The following KIRREL2 variants were observed in gnomAD, a reference collection of about 807,000 sequenced individuals.
KIRREL2 encodes the protein kirre like nephrin family adhesion molecule 2.
In KIRREL2, 56 loss-of-function variants were observed where a neutral mutation model predicts 73.4. The observed-to-expected ratio is 0.76, with a 90% CI of 0.62 to 0.95. The LOEUF (loss-of-function observed/expected upper bound fraction) is 0.95, where lower values mean the gene tolerates loss of function less well. Ranked by LOEUF, KIRREL2 falls within the 40% of genes least tolerant of loss-of-function variation. The pLI is 0.00. For missense variants in KIRREL2, 896 were observed against 935.0 expected (o/e 0.96, Z 0.54); for synonymous variants, 407 against 404.0 (o/e 1.01, Z -0.09).
upstream of KIRREL2, among the ~76,000 whole-genome samples, chr19:35,853,487 C>G (rs1038695850): frequency 5.9e-5 from 9 of 152,186 alleles, no homozygotes; most frequent in Non-Finnish European, 1.2e-4. Flanking sequence ...CTCTCTCCCT[C>G]CCTCTATCTA....
chr19:35,861,847 G>A lies in KIRREL2; in HGVS notation c.1333G>A (p.Gly445Ser), dbSNP rs1438419718. The A allele has an allele frequency of 6.3e-7, 1 of 1,587,942 alleles. No homozygotes were observed. The highest frequency in any genetic ancestry group is 1.8e-5 in the Admixed American group (1 of 54,742). ...DEGFLEAGSQ[G>S]RFLVETFPAP... ...GGGCTTCCTGGAGGCGGGGTCGCAG[G>A]GCCGGTTCCTGGTGGAGACATTCCC... Residue 445 changes from glycine to serine, a missense_variant, in exon 11 of 15, where the codon GGC becomes AGC. Coordinates refer to ENST00000360202, the MANE Select transcript of KIRREL2 (RefSeq NM_199180.4).
At position 35,861,037 on chromosome 19, in the gene KIRREL2, G is replaced by T. The variant is rs371315188; in HGVS notation, c.1056+1G>T. ...CTGGACCCGCCGCGGTGGCGCGCAGGTACAGCCCTAAATCTGAGGCGGTGG... is the reference window on the plus strand; with the variant it reads ...CTGGACCCGCCGCGGTGGCGCGCAGTTACAGCCCTAAATCTGAGGCGGTGG... On this transcript the variant is annotated splice_donor_variant, in intron 8 of 14. Coordinates refer to ENST00000360202, the MANE Select transcript of KIRREL2 (RefSeq NM_199180.4). LOFTEE classifies it high-confidence loss of function. The T allele has an allele frequency of 6.8e-6, 11 of 1,610,760 alleles. No individual in the cohort carries two copies. The highest frequency in any genetic ancestry group is 4.0e-5 in the African/African-American group (3 of 74,748).
Position 35,857,181 on chromosome 19 carries a change from GTACCGCACGA to G in KIRREL2, c.61+2_61+11del. 6.2e-7 allele frequency: 1 copy of G among 1,605,822 alleles called. No individual in the cohort carries two copies. The highest frequency in any genetic ancestry group is 8.5e-7 in the Non-Finnish European group (1 of 1,173,778). On this transcript the variant is annotated splice_donor_variant and splice_donor_5th_base_variant and intron_variant, in intron 1 of 14. Coordinates refer to ENST00000360202, the MANE Select transcript of KIRREL2 (RefSeq NM_199180.4). LOFTEE classifies it high-confidence loss of function. ...CTCTTCTGCTTCAGAGGGAGAGCAG[GTACCGCACGA>G]GGGGAGCGGAGGAATATGGGGTGGG...
intron 1 of KIRREL2, 22 bp downstream of exon 1, chr19:35,857,202 G>A: frequency 6.3e-7 from 1 of 1,575,156 alleles, no homozygotes; most frequent in Non-Finnish European, 8.7e-7. Context: ...GGGGAGCGGA[G>A]GAATATGGGG....
intron 2 of KIRREL2, 109 bp downstream of exon 2, chr19:35,857,603 G>C: frequency 8.5e-7 from 1 of 1,180,236 alleles, no homozygotes; most frequent in South Asian, 1.6e-5. Context: ...GAAATTGATG[G>C]GCTCGGGTAA....
At chr19:35,863,462 T>C (rs1599869710) in intron 13 of KIRREL2, among the ~76,000 whole-genome samples, 1 of 107,024 alleles carries the variant, frequency 9.3e-6, no homozygotes, top group South Asian at 2.5e-4. Context: ...GGCTCTAGTC[T>C]TTTTTTTTTT....
rs1973664435 is a variant in KIRREL2 at position 35,861,237 on chromosome 19, C to T, written c.1172C>T (p.Ala391Val). 1 of 1,532,854 alleles carries T rather than the reference C, an allele frequency of 6.5e-7. No individual in the cohort carries two copies. The highest frequency in any genetic ancestry group is 1.3e-5 in the South Asian group (1 of 79,314). 95.0% of individuals were successfully genotyped at this position (1,532,854 alleles called of 1,614,324 possible). A position where few individuals can be genotyped will look rare whatever the true frequency, so the allele number is the denominator to read the frequency against. ...GGCCTGCGGGGCGGCGCCGCGGAGG[C>T]TCGGCTGACTGTGAACGGTGAGAAG... Reference protein sequence around the residue: ...LSGLRGGAAEARLTVNAPPVV... With the variant: ...LSGLRGGAAEVRLTVNAPPVV... The change falls in exon 9 of 15, where the codon GCT becomes GTT. Residue 391 changes from alanine to valine, a missense_variant. Transcript: ENST00000360202.
In KIRREL2 at chr19:35,866,595, T is replaced by C; in HGVS notation, c.*103T>C. On this transcript the variant is annotated 3_prime_UTR_variant, in exon 15 of 15. Transcript: ENST00000360202. ...GTTGGCGACCTTACTCCTCCAAAACTGAACACAAGGGGAGGGAAAGATCAT... is the reference window on the plus strand; with the variant it reads ...GTTGGCGACCTTACTCCTCCAAAACCGAACACAAGGGGAGGGAAAGATCAT... 2 of 1,498,846 alleles carry C rather than the reference T, an allele frequency of 1.3e-6. No homozygotes were observed. The highest frequency in any genetic ancestry group is 2.3e-5 in the South Asian group (2 of 86,086). 92.8% of individuals were successfully genotyped at this position (1,498,846 alleles called of 1,614,324 possible). A position where few individuals can be genotyped will look rare whatever the true frequency, so the allele number is the denominator to read the frequency against.
In KIRREL2 at chr19:35,862,013, T is replaced by A; in HGVS notation, c.1499T>A (p.Leu500Gln). The A allele has an allele frequency of 1.9e-6, 3 of 1,608,444 alleles. No individual in the cohort carries two copies. The highest frequency in any genetic ancestry group is 2.5e-6 in the Non-Finnish European group (3 of 1,177,822). ...GGCGAGGGAGGTGCCCAGGCCAGCC[T>A]GGGCCGTAGAGGTGAGACCCCAGCC... Reference protein sequence around the residue: ...RLGEGGAQASLGRRDLLPTVR... With the variant: ...RLGEGGAQASQGRRDLLPTVR... The change falls in exon 11 of 15, where the codon CTG (leucine) becomes CAG (glutamine). Residue 500 changes from leucine (L) to glutamine (Q), a missense_variant. Transcript: ENST00000360202.
At position 35,861,942 on chromosome 19, in the gene KIRREL2, G is replaced by A. The variant is rs184854785; in HGVS notation, c.1428G>A (p.Glu476=). The A allele has an allele frequency of 2.5e-6, 4 of 1,613,180 alleles. No individual in the cohort carries two copies. In the Admixed American group the frequency reaches 6.7e-5, roughly 27 times the overall value. ...ISVLHISGTQ[E]SDFSRSFNCS... is the part of the protein sequence containing the mutation. ...TGCTACACATTTCGGGGACCCAGGA[G>A]TCTGACTTTAGCAGGAGCTTTAACT... Residue 476 remains glutamate (E), a synonymous_variant, in exon 11 of 15, where the codon GAG becomes GAA. Transcript: ENST00000360202.
chr19:35,866,973 T>G lies in KIRREL2; in HGVS notation c.*481T>G, dbSNP rs1973999128. ...AAATGCAGCCAAGATGGCCATATAC[T>G]CCCTAGGAACCCAAGATGGCCACCA... On this transcript the variant is annotated 3_prime_UTR_variant, in exon 15 of 15. Coordinates refer to ENST00000360202, the MANE Select transcript of KIRREL2 (RefSeq NM_199180.4). The G allele has an allele frequency of 5.7e-6, 1 of 175,792 alleles. No individual in the cohort carries two copies. Among genetic ancestry groups the G allele is most frequent in the Non-Finnish European group, 1.2e-5 (1 of 85,344 alleles). 10.9% of individuals were successfully genotyped at this position (175,792 alleles called of 1,614,324 possible). A position where few individuals can be genotyped will look rare whatever the true frequency, so the allele number is the denominator to read the frequency against.
intron 13 of KIRREL2, among the ~76,000 whole-genome samples, chr19:35,863,323 C>T (rs964515495): frequency 1.3e-5 from 2 of 152,072 alleles, no homozygotes; most frequent in East Asian, 3.8e-4. Context: ...ACTCAGGACA[C>T]TGAGGTGGGA....
In KIRREL2 at chr19:35,866,482, C is replaced by T. The variant is rs1973978713; in HGVS notation, c.2117C>T (p.Thr706Ile). ...ACACCTAGCCACCCGCGTCTCCAGA[C>T]TCACGTGTGACATCTTTCCAATGGA... is the stretch of plus-strand genomic sequence containing the variant. ...FPTPSHPRLQTHV is the reference protein window; with the variant it reads ...FPTPSHPRLQIHV The change falls in exon 15 of 15, where the codon ACT (threonine) becomes ATT (isoleucine). Residue 706 changes from threonine to isoleucine, a missense_variant. Physicochemically the swap from Thr to Ile is moderately conservative, Grantham distance 89. Coordinates refer to ENST00000360202, the MANE Select transcript of KIRREL2 (RefSeq NM_199180.4). The T allele has an allele frequency of 1.9e-6, 3 of 1,613,290 alleles. No individual in the cohort carries two copies. The highest frequency in any genetic ancestry group is 2.5e-6 in the Non-Finnish European group (3 of 1,179,372).
Position 35,861,565 on chromosome 19 carries a change from A to C in KIRREL2, c.1214A>C (p.His405Pro), listed in dbSNP as rs754358197. The change falls in exon 10 of 15, where the codon CAC becomes CCC. Residue 405 changes from histidine to proline, a missense_variant. Coordinates refer to ENST00000360202, the MANE Select transcript of KIRREL2 (RefSeq NM_199180.4). ...GCTCCCCCAGTAGTGACCGCCCTGC[A>C]CTCTGCGCCTGCCTTCCTGAGGGGC... ...VNAPPVVTAL[H>P]SAPAFLRGPA... 6.2e-7 allele frequency: 1 copy of C among 1,613,356 alleles called. No individual in the cohort carries two copies. Among genetic ancestry groups the C allele is most frequent in the Admixed American group, 1.7e-5 (1 of 59,908 alleles).
upstream of KIRREL2, among the ~76,000 whole-genome samples, chr19:35,854,904 C>T (rs1449322933): frequency 6.6e-6 from 1 of 152,154 alleles, no homozygotes; most frequent in African/African-American, 2.4e-5. Context: ...TCATCACATC[C>T]CTGGATTTTA....
intron 5 of KIRREL2, among the ~76,000 whole-genome samples, 179 bp downstream of exon 5, chr19:35,859,810 C>G (rs918895599): frequency 3.3e-5 from 5 of 152,034 alleles, no homozygotes; most frequent in African/African-American, 4.8e-5. Flanking sequence ...TTTGGGAGGT[C>G]GAGGCAGGCG....
Position 35,860,503 on chromosome 19 carries a change from G to A in KIRREL2, c.780-16G>A, listed in dbSNP as rs764601432. ...GAGAGGCCAGGACAACGTTAACAGC[G>A]CCACCATTTCCTCAGGTGGGCAAAA... On this transcript the variant is annotated splice_polypyrimidine_tract_variant and intron_variant, in intron 6 of 14. Transcript: ENST00000360202. 7 of 1,602,448 alleles carry A rather than the reference G, an allele frequency of 4.4e-6. No homozygotes were observed. Among genetic ancestry groups the A allele is most frequent in the African/African-American group, 2.7e-5 (2 of 74,906 alleles).
intron 14 of KIRREL2, among the ~76,000 whole-genome samples, 158 bp from the exon 15 acceptor site, chr19:35,865,999 C>A (rs1489916412): frequency 6.6e-6 from 1 of 152,130 alleles, no homozygotes; most frequent in Non-Finnish European, 1.5e-5. Context: ...GTCTCACTTT[C>A]TCTCTCTCCC....
intron 12 of KIRREL2, 45 bp from the exon 13 acceptor site, chr19:35,862,882 T>G (rs1599867983): frequency 8.3e-7 from 1 of 1,202,672 alleles, no homozygotes; most frequent in Non-Finnish European, 1.2e-6. Context: ...CTGCACACAT[T>G]GTGACCCCGC....
Sources: gnomAD v4.1 joint callset for allele counts (sites outside exome capture counted in the v4.1 genomes callset) on GRCh38, gnomAD v4.1.1 for gene constraint, MANE v1.5 for transcripts, NCBI Gene and HGNC (gene_info 2026-07-23, HGNC 2026-07-21) for gene names.